The following LEUTX variants were observed in gnomAD, a reference collection of about 807,000 sequenced individuals.
LEUTX encodes paired-like homeodomain transcription factor LEUTX.
LEUTX carries 5 observed loss-of-function variants against 4.5 expected under a neutral mutation model. That is an observed-to-expected ratio of 1.11 (90% confidence interval 0.58 to 2.34). LEUTX has a LOEUF of 2.34. LEUTX is among the 30% of genes most tolerant of loss of function. The pLI is 0.01. For synonymous variants in LEUTX, 89 were observed against 85.1 expected (o/e 1.05, Z -0.25); for missense variants, 233 against 239.4 (o/e 0.97, Z 0.18).
chr19:39,776,971 A>T (rs1300721734), upstream of LEUTX, among the ~76,000 whole-genome samples: 3 of 152,132 alleles, frequency 2.0e-5, no homozygotes, highest in Admixed American at 6.5e-5. Flanking sequence ...TAAAATTCAA[A>T]CTTCTTCACC....
intron 2 of LEUTX, 61 bp from the exon 3 acceptor site, chr19:39,785,637 C>G: frequency 7.5e-7 from 1 of 1,325,402 alleles, no homozygotes; most frequent in Non-Finnish European, 1.0e-6. Flanking sequence ...TCCTGAGGAA[C>G]ATGAGGATGC....
At chr19:39,778,695 T>C (rs939499425), upstream of LEUTX, among the ~76,000 whole-genome samples, 1 of 151,696 alleles carries the variant, frequency 6.6e-6, no homozygotes, top group African/African-American at 2.4e-5. Context: ...AAACATAGTT[T>C]TATTCCCAGT....
At chr19:39,776,461 G>GCCGCA (rs1967795091), upstream of LEUTX, 1 of 363,480 alleles carries the variant, frequency 2.8e-6, no homozygotes, top group East Asian at 7.6e-5. Context: ...CGGGAGTGCT[G>GCCGCA]CCGCACCACA....
At chr19:39,781,470 T>C (rs1967886592) in intron 1 of LEUTX, among the ~76,000 whole-genome samples, 1 of 152,218 alleles carries the variant, frequency 6.6e-6, no homozygotes, top group Admixed American at 6.5e-5. Context: ...TGTTGAAATG[T>C]GATCCCCAGT....
intron 1 of LEUTX, among the ~76,000 whole-genome samples, chr19:39,780,246 T>G (rs1378098833): frequency 6.6e-6 from 1 of 152,202 alleles, no homozygotes; most frequent in African/African-American, 2.4e-5. Context: ...GGTAGATGAT[T>G]TTAAACTCAA....
chr19:39,780,295 C>G (rs1200713997), intron 1 of LEUTX, among the ~76,000 whole-genome samples: 1 of 152,154 alleles, frequency 6.6e-6, no homozygotes, highest in African/African-American at 2.4e-5. Flanking sequence ...TATAACTTAT[C>G]AATGTGCAGT....
upstream of LEUTX, among the ~76,000 whole-genome samples, chr19:39,778,663 C>CTT (rs34540141): frequency 0.042 from 5,017 of 119,548 alleles, 426 homozygotes; most frequent in African/African-American, 0.15. Context: ...AAGGATCAGT[C>CTT]TTTTTTTTTT....
At chr19:39,777,021 C>T (rs945938613), upstream of LEUTX, among the ~76,000 whole-genome samples, 6 of 152,140 alleles carry the variant, frequency 3.9e-5, 1 homozygote, top group African/African-American at 1.4e-4. Flanking sequence ...TTGAGCTTTT[C>T]CCGATATTCC....
chr19:39,781,361 G>T lies in LEUTX; in HGVS notation c.7+2434G>T, dbSNP rs540315354. ...TAAAATAGATGACCATGAGAATCAG[G>T]TTTTACTAGATGATGAGGTCTTATT... On this transcript the variant is annotated intron_variant, in intron 1 of 2. Transcript: ENST00000638280. Among the ~76,000 whole-genome samples the T allele has an allele frequency of 1.1e-4, 16 of 152,272 alleles. No homozygotes were observed. The East Asian group carries it at 3.1e-3, about 29-fold the overall frequency.
At chr19:39,781,864 G>T (rs1054208995) in intron 1 of LEUTX, among the ~76,000 whole-genome samples, 5 of 152,154 alleles carry the variant, frequency 3.3e-5, no homozygotes, top group Non-Finnish European at 7.3e-5. Context: ...TAACAGACTT[G>T]CTTCTTTGGT....
In LEUTX at chr19:39,784,619, A is replaced by G; in HGVS notation, c.100A>G (p.Ser34Gly). 6.4e-7 allele frequency: 1 copy of G among 1,551,430 alleles called. No homozygotes were observed. The highest frequency in any genetic ancestry group is 8.7e-7 in the Non-Finnish European group (1 of 1,146,800). ...RELLEKTMHP[S>G]LATMGKLASK... ...ATTGCTTGAAAAGACCATGCACCCA[A>G]GTTTGGCTACAATGGGGAAACTGGC... The change falls in exon 2 of 3, where the codon AGT becomes GGT. Residue 34 changes from serine to glycine, a missense_variant. Physicochemically the swap from Ser to Gly is moderately conservative, Grantham distance 56. Coordinates refer to ENST00000638280, the MANE Select transcript of LEUTX (RefSeq NM_001382345.1).
In LEUTX at chr19:39,785,437, CAA is replaced by C. The variant is rs74178099; in HGVS notation, c.160-250_160-249del. Among the ~76,000 whole-genome samples the C allele has an allele frequency of 7.2e-3, 1,053 of 145,488 alleles. 17 individuals carry two copies. Among genetic ancestry groups the C allele is most frequent in the African/African-American group, 0.024 (954 of 39,434 alleles). On this transcript the variant is annotated intron_variant, in intron 2 of 2. Transcript: ENST00000638280. The stretch of plus-strand genomic sequence containing the variant: ...TGGGTGACAGAGTGGTAGCTTGTCT[CAA>C]AAAAAAAAAATACACCACTAATAAA...
At chr19:39,780,812 C>A (rs1007494752) in intron 1 of LEUTX, among the ~76,000 whole-genome samples, 2 of 151,636 alleles carry the variant, frequency 1.3e-5, no homozygotes, top group South Asian at 2.1e-4. Flanking sequence ...ATCTTTTATC[C>A]GAGCATATTA....
chr19:39,784,559 A>T lies in LEUTX; in HGVS notation c.40A>T (p.Arg14Ter). The T allele has an allele frequency of 2.2e-6, 3 of 1,345,584 alleles. No individual in the cohort carries two copies. Among genetic ancestry groups the T allele is most frequent in the Non-Finnish European group, 3.1e-6 (3 of 958,900 alleles). 83.4% of individuals were successfully genotyped at this position (1,345,584 alleles called of 1,614,324 possible). A position where few individuals can be genotyped will look rare whatever the true frequency, so the allele number is the denominator to read the frequency against. The change falls in exon 2 of 3, where the codon AGA becomes TGA. Residue 14 changes from arginine to a stop codon, truncating the protein, a stop_gained. Coordinates refer to ENST00000638280, the MANE Select transcript of LEUTX (RefSeq NM_001382345.1). LOFTEE classifies it high-confidence loss of function. ...GPRRYRRPRT[R>*]FLSKQLTALR... Reference sequence around the variant, plus strand: ...AAGGCGTTATCGTCGGCCACGCACAAGATTTCTCTCCAAACAACTCACAGC... The same window carrying T: ...AAGGCGTTATCGTCGGCCACGCACATGATTTCTCTCCAAACAACTCACAGC...
At chr19:39,776,986 C>T (rs1967806245), upstream of LEUTX, among the ~76,000 whole-genome samples, 1 of 152,160 alleles carries the variant, frequency 6.6e-6, no homozygotes, top group Non-Finnish European at 1.5e-5. Context: ...TTCACCTTGC[C>T]CCGACCTTGG....
At chr19:39,785,538 T>A (rs529783174) in intron 2 of LEUTX, among the ~76,000 whole-genome samples, 160 bp from the exon 3 acceptor site, 1 of 152,334 alleles carries the variant, frequency 6.6e-6, no homozygotes, top group South Asian at 2.1e-4. Flanking sequence ...ACACCCACTT[T>A]TCCCTTGAAA....
chr19:39,784,346 A>T (rs114104435), intron 1 of LEUTX, among the ~76,000 whole-genome samples, 181 bp from the exon 2 acceptor site: 2 of 152,222 alleles, frequency 1.3e-5, no homozygotes, highest in East Asian at 3.9e-4. Context: ...TTGTGTTGTC[A>T]TATTACCAGA....
At chr19:39,777,836 G>A (rs939766691), upstream of LEUTX, among the ~76,000 whole-genome samples, 6 of 152,128 alleles carry the variant, frequency 3.9e-5, no homozygotes, top group African/African-American at 1.4e-4. Context: ...GATACAGATG[G>A]GTCCTTCAAT....
intron 1 of LEUTX, among the ~76,000 whole-genome samples, chr19:39,781,088 TTCTC>T (rs1967879151): frequency 6.6e-6 from 1 of 152,116 alleles, no homozygotes; most frequent in African/African-American, 2.4e-5. Context: ...CCTTTCTTTT[TTCTC>T]TCTTTCTCTC....
Sources: allele counts gnomAD v4.1 joint callset (sites outside exome capture counted in the v4.1 genomes callset), GRCh38; gene constraint gnomAD v4.1.1; transcripts MANE v1.5; gene names NCBI Gene and HGNC (gene_info 2026-07-23, HGNC 2026-07-21).